TPTE2: variants seen among roughly 807,000 people sequenced by gnomAD.
TPTE2 encodes the protein phosphatidylinositol 3,4,5-trisphosphate 3-phosphatase TPTE2.
Under a neutral mutation model 78.6 loss-of-function variants are expected in TPTE2, and 53 were observed. That is an observed-to-expected ratio of 0.67 (90% CI 0.54 to 0.85). The LOEUF (loss-of-function observed/expected upper bound fraction) is 0.85, where lower values mean the gene tolerates loss of function less well. TPTE2 is among the 40% of genes least tolerant of loss of function. The pLI is 0.00. For missense variants in TPTE2, 461 were observed against 623.0 expected (o/e 0.74, Z 2.77); for synonymous variants, 175 against 206.2 (o/e 0.85, Z 1.30).
intron 6 of TPTE2, 133 bp downstream of exon 9, chr13:19,473,781 A>G (rs1879770985): frequency 1.4e-6 from 1 of 738,502 alleles, no homozygotes; most frequent in East Asian, 3.3e-5. Flanking sequence ...TTTTTAATAG[A>G]GACGGGGTTT....
upstream of TPTE2, among the ~76,000 whole-genome samples, chr13:19,507,292 A>G (rs1419234700): frequency 7.4e-6 from 1 of 135,836 alleles, no homozygotes; most frequent in Non-Finnish European, 1.6e-5. Flanking sequence ...ACAACTAATA[A>G]ACTAGCTGTT....
At chr13:19,445,906 A>G (rs1877800715) in intron 13 of TPTE2, among the ~76,000 whole-genome samples, 1 of 152,222 alleles carries the variant, frequency 6.6e-6, no homozygotes, top group African/African-American at 2.4e-5. Flanking sequence ...ATGTCACTGC[A>G]CTCCAGCCTG....
intron 1 of TPTE2, among the ~76,000 whole-genome samples, chr13:19,534,963 G>A (rs1441063770): frequency 6.6e-6 from 1 of 152,144 alleles, no homozygotes; most frequent in Non-Finnish European, 1.5e-5. Context: ...AGAACTTCGG[G>A]AGGCCGAGAC....
chr13:19,557,451 G>C, the TPTE2 span, among the ~76,000 whole-genome samples: 21 of 152,164 alleles, frequency 1.4e-4, no homozygotes, highest in African/African-American at 4.6e-4. Context: ...CTGAGAACAT[G>C]TCAAAGAAAA....
intron 10 of TPTE2, among the ~76,000 whole-genome samples, chr13:19,456,439 C>G (rs1878539759): frequency 6.6e-6 from 1 of 152,144 alleles, no homozygotes; most frequent in African/African-American, 2.4e-5. Flanking sequence ...CCTGTGGTGA[C>G]AGAGCAAGGC....
At chr13:19,517,070 G>C (rs529671827) in intron 1 of TPTE2, among the ~76,000 whole-genome samples, 122 of 152,272 alleles carry the variant, frequency 8.0e-4, no homozygotes, top group African/African-American at 2.9e-3. Flanking sequence ...ACCCAAGGCA[G>C]AGCTGGATTT....
chr13:19,470,412 T>A (rs1012715094), intron 6 of TPTE2, among the ~76,000 whole-genome samples: 1 of 152,248 alleles, frequency 6.6e-6, no homozygotes, highest in Admixed American at 6.5e-5. Flanking sequence ...TCCCATATAT[T>A]GTTGAATTCA....
At chr13:19,511,017 T>C (rs3002095) in intron 1 of TPTE2, among the ~76,000 whole-genome samples, 151,796 of 152,360 alleles carry the variant, frequency 1, 75,620 homozygotes, top group Middle Eastern at 1. Flanking sequence ...GCATTACTGA[T>C]GAGATGCAGA....
chr13:19,518,133 A>G (rs1414147932), intron 1 of TPTE2, among the ~76,000 whole-genome samples: 4 of 152,176 alleles, frequency 2.6e-5, no homozygotes, highest in Non-Finnish European at 5.9e-5. Flanking sequence ...ACTTGGGGGG[A>G]TACCTCATTG....
chr13:19,483,080 G>A (rs1445542709), intron 3 of TPTE2, among the ~76,000 whole-genome samples: 1 of 152,202 alleles, frequency 6.6e-6, no homozygotes, highest in Non-Finnish European at 1.5e-5. Context: ...GTTAAAAAAT[G>A]CTAATGATCA....
chr13:19,465,709 G>A, intron 7 of TPTE2, 145 bp from the exon 11 acceptor site: 1 of 695,742 alleles, frequency 1.4e-6, no homozygotes, highest in Non-Finnish European at 2.4e-6. Flanking sequence ...GGCAATGTCT[G>A]GAGGCATTTA....
rs370180167 is a variant in TPTE2, at chr13:19,438,061, T to C, written c.1035+31A>G. On this transcript the variant is annotated intron_variant, in intron 14 of 19. Transcript: ENST00000400230. Reference sequence around the variant, plus strand: ...TCAGAACTAGCAAACTCAATCATCATAAGAGAAAGTTTGTAGAACATCTTT... The same window carrying C: ...TCAGAACTAGCAAACTCAATCATCACAAGAGAAAGTTTGTAGAACATCTTT... 6 of 1,600,012 alleles carry C rather than the reference T, an allele frequency of 3.7e-6. No homozygotes were observed. The African/African-American group carries it at 5.4e-5, about 14-fold the overall frequency.
Position 19,465,242 on chromosome 13 carries a change from A to G in TPTE2, c.676+13T>C, listed in dbSNP as rs1024178793. 1.1e-5 allele frequency: 18 copies of G among 1,613,736 alleles called. No homozygotes were observed. The highest frequency in any genetic ancestry group is 1.3e-5 in the African/African-American group (1 of 74,936). On this transcript the variant is annotated intron_variant, in intron 9 of 19. Coordinates refer to ENST00000400230, the Ensembl canonical transcript of TPTE2. ...AAGTAATACAAGTAAATCAACCATT[A>G]AGTGTCACAAACCTGTAACGTAAGT...
chr13:19,497,690 A>G (rs1408513210), intron 1 of TPTE2, among the ~76,000 whole-genome samples: 70 of 149,894 alleles, frequency 4.7e-4, no homozygotes, highest in African/African-American at 1.7e-3. Flanking sequence ...TAAAACCACA[A>G]AGATGGGGAA....
At chr13:19,533,800 A>G (rs1449830666) in intron 1 of TPTE2, among the ~76,000 whole-genome samples, 1 of 152,208 alleles carries the variant, frequency 6.6e-6, no homozygotes, top group Non-Finnish European at 1.5e-5. Context: ...AATACAGGAA[A>G]GCCACTGTAG....
At chr13:19,440,423 C>T (rs370189826) in intron 13 of TPTE2, among the ~76,000 whole-genome samples, 2,120 of 16,314 alleles carry the variant, frequency 0.13, 41 homozygotes, top group African/African-American at 0.18. Flanking sequence ...CAACATCTTT[C>T]TTGATAAAAA....
At chr13:19,440,345 A>C (rs1352122964) in intron 13 of TPTE2, among the ~76,000 whole-genome samples, 3 of 152,248 alleles carry the variant, frequency 2.0e-5, no homozygotes, top group Non-Finnish European at 2.9e-5. Context: ...TTCACCACAC[A>C]AACAGAATTA....
intron 13 of TPTE2, among the ~76,000 whole-genome samples, chr13:19,443,161 A>G (rs1182583730): frequency 1.3e-5 from 2 of 152,002 alleles, no homozygotes; most frequent in Admixed American, 1.3e-4. Context: ...TAATAATAAA[A>G]TAATTTAATA....
the TPTE2 span, among the ~76,000 whole-genome samples, chr13:19,559,335 C>T: frequency 6.6e-6 from 1 of 152,196 alleles, no homozygotes; most frequent in East Asian, 1.9e-4. Flanking sequence ...AGTCTCTGTA[C>T]AGCCAAGGGC....
Sources: allele counts gnomAD v4.1 joint callset (sites outside exome capture counted in the v4.1 genomes callset), GRCh38; gene constraint gnomAD v4.1.1; transcripts MANE v1.5; gene names NCBI Gene and HGNC (gene_info 2026-07-23, HGNC 2026-07-21).